The following ACSM1 variants were observed in gnomAD, a reference collection of about 807,000 sequenced individuals.
The protein encoded by ACSM1 is acyl-CoA synthetase medium chain family member 1.
Under a neutral mutation model 75.8 loss-of-function variants are expected in ACSM1, and 79 were observed. The observed-to-expected ratio is 1.04, with a 90% confidence interval of 0.87 to 1.26. The LOEUF is 1.26. Among genes scored for constraint, ACSM1 ranks in the 50% most tolerant of loss-of-function variants. ACSM1 has a pLI of 0.00. For missense variants in ACSM1, 676 were observed against 720.1 expected, an observed-to-expected ratio of 0.94 and a Z score of 0.70; for synonymous variants, 279 against 265.8, an observed-to-expected ratio of 1.05 and a Z score of -0.48.
intron 4 of ACSM1, among the ~76,000 whole-genome samples, chr16:20,677,949 C>G (rs1197599310): frequency 6.6e-6 from 1 of 151,264 alleles, no homozygotes; most frequent in African/African-American, 2.4e-5. Context: ...GCTGTATAGG[C>G]CTTAAAAGAT....
chr16:20,687,961 T>C (rs2152328665), intron 2 of ACSM1, among the ~76,000 whole-genome samples: 1 of 152,018 alleles, frequency 6.6e-6, no homozygotes, highest in East Asian at 1.9e-4. Context: ...TGCATGCACC[T>C]GTAATCCCAG....
intron 10 of ACSM1, among the ~76,000 whole-genome samples, chr16:20,635,578 CTTT>C (rs879711009): frequency 6.9e-6 from 1 of 145,814 alleles, no homozygotes; most frequent in Non-Finnish European, 1.5e-5. Context: ...TTTAATTTTT[CTTT>C]TTCTTTCTTT....
rs1315654780 is a variant in ACSM1 at position 20,685,673 on chromosome 16, AGCTGG to A, written c.193-275_193-271del. Among the ~76,000 whole-genome samples, 22 of 152,066 alleles carry A rather than the reference AGCTGG, an allele frequency of 1.4e-4. No individual in the cohort carries two copies. The East Asian group carries it at 2.1e-3, about 15-fold the overall frequency. On this transcript the variant is annotated intron_variant, in intron 2 of 13. Transcript: ENST00000520010. ...TGTCTCTACTAAAAATTTAAAAATTAGCTGGGCATGGTGGTGCATGCCTGTAATCT... is the reference window on the plus strand; with the variant it reads ...TGTCTCTACTAAAAATTTAAAAATTAGCATGGTGGTGCATGCCTGTAATCT...
intron 11 of ACSM1, 138 bp from the exon 12 acceptor site, chr16:20,625,660 G>T (rs2016880654): frequency 4.4e-6 from 3 of 681,470 alleles, no homozygotes; most frequent in Non-Finnish European, 7.5e-6. Flanking sequence ...ACTTGTCTGT[G>T]TCATGGGCCC....
intron 4 of ACSM1, among the ~76,000 whole-genome samples, chr16:20,676,949 T>A (rs571300555): frequency 1.3e-5 from 2 of 152,066 alleles, no homozygotes; most frequent in Admixed American, 6.6e-5. Context: ...AGGCAGGACA[T>A]AAAGTGTCAG....
chr16:20,635,466 A>G (rs1045687889), intron 10 of ACSM1, among the ~76,000 whole-genome samples: 2 of 152,224 alleles, frequency 1.3e-5, no homozygotes, highest in Admixed American at 1.3e-4. Context: ...TCCAAGTACT[A>G]CTATTTTAAA....
Position 20,627,891 on chromosome 16 carries a change from T to C in ACSM1, c.1300-575A>G, listed in dbSNP as rs866632206. Among the ~76,000 whole-genome samples the C allele has an allele frequency of 1.0e-3, 77 of 76,314 alleles. 2 individuals carry two copies. Among genetic ancestry groups the C allele is most frequent in the South Asian group, 7.3e-3 (15 of 2,048 alleles). The allele number at this position is 76,314 out of a possible 152,430, so 50.1% of individuals were successfully genotyped here. ...ATACATATATATATATATATATATA[T>C]ATATATATATATATATATATATATA... On this transcript the variant is annotated intron_variant, in intron 10 of 13. Coordinates refer to ENST00000520010, the MANE Select transcript of ACSM1 (RefSeq NM_001318890.3).
chr16:20,672,642 A>G (rs1317966892), intron 4 of ACSM1, among the ~76,000 whole-genome samples: 2 of 130,922 alleles, frequency 1.5e-5, no homozygotes, highest in Non-Finnish European at 3.1e-5. Flanking sequence ...TAATTTATAT[A>G]TAAGTATATA....
At chr16:20,665,694 C>T (rs918028091) in intron 6 of ACSM1, among the ~76,000 whole-genome samples, 3 of 152,040 alleles carry the variant, frequency 2.0e-5, no homozygotes, top group African/African-American at 7.2e-5. Context: ...AAAGAAAACT[C>T]CAGGCCAATA....
intron 4 of ACSM1, among the ~76,000 whole-genome samples, chr16:20,675,303 G>A (rs756951495): frequency 6.6e-6 from 1 of 152,182 alleles, no homozygotes; most frequent in Non-Finnish European, 1.5e-5. Flanking sequence ...AGAGGCCAAT[G>A]CGGGGAGTAA....
At chr16:20,688,691 G>A (rs2079598156) in intron 2 of ACSM1, among the ~76,000 whole-genome samples, 3 of 151,846 alleles carry the variant, frequency 2.0e-5, no homozygotes, top group Non-Finnish European at 2.9e-5. Context: ...CAAAAGTAAA[G>A]GGGAAATTAG....
chr16:20,676,234 G>C (rs976591722), intron 4 of ACSM1: 15 of 152,194 alleles, frequency 9.9e-5, no homozygotes, highest in Admixed American at 7.9e-4. Flanking sequence ...CTCTTAAGAG[G>C]ACAAGAGGAC....
chr16:20,624,189 G>A lies in ACSM1; in HGVS notation c.1554C>T (p.Thr518=). The change falls in exon 13 of 14, where the codon ACC becomes ACT. Residue 518 remains threonine, a synonymous_variant. Coordinates refer to ENST00000520010, the MANE Select transcript of ACSM1 (RefSeq NM_001318890.3). ...CCTTGTCATGGGACAGGAACTGTGG[G>A]GTCAGGACAATAAAGGCCTTCACCA... is the stretch of plus-strand genomic sequence containing the variant. The part of the protein sequence containing the change: ...GEVVKAFIVL[T]PQFLSHDKDQ... 1 of 1,612,292 alleles carries A rather than the reference G, an allele frequency of 6.2e-7. No individual in the cohort carries two copies. The highest frequency in any genetic ancestry group is 8.5e-7 in the Non-Finnish European group (1 of 1,178,832).
At chr16:20,696,198 A>T (rs1157258822) in intron 1 of ACSM1, among the ~76,000 whole-genome samples, 1 of 152,370 alleles carries the variant, frequency 6.6e-6, no homozygotes, top group South Asian at 2.1e-4. Context: ...CATAATAACA[A>T]AATCACCTAA....
chr16:20,686,373 T>C (rs28407561), intron 2 of ACSM1, among the ~76,000 whole-genome samples: 7,608 of 151,996 alleles, frequency 0.05, 636 homozygotes, highest in African/African-American at 0.17. Context: ...CAGCCAAGGA[T>C]CTGCAGAAAA....
At chr16:20,631,534 A>C (rs983137903) in intron 10 of ACSM1, among the ~76,000 whole-genome samples, 2 of 152,232 alleles carry the variant, frequency 1.3e-5, no homozygotes, top group African/African-American at 4.8e-5. Context: ...ACCCAAATAA[A>C]AAGAAGTCAT....
intron 8 of ACSM1, among the ~76,000 whole-genome samples, chr16:20,638,473 T>G (rs866144236): frequency 2.0e-5 from 3 of 152,238 alleles, no homozygotes; most frequent in Admixed American, 2.0e-4. Flanking sequence ...GAGACTGCCC[T>G]ATTTATCCCT....
At chr16:20,673,341 T>G (rs2020074668) in intron 4 of ACSM1, among the ~76,000 whole-genome samples, 1 of 152,088 alleles carries the variant, frequency 6.6e-6, no homozygotes, top group Non-Finnish European at 1.5e-5. Context: ...TCTGCTGGTC[T>G]TGCTGTGAAA....
At chr16:20,675,209 G>C (rs1019267192) in intron 4 of ACSM1, among the ~76,000 whole-genome samples, 3 of 152,136 alleles carry the variant, frequency 2.0e-5, no homozygotes, top group African/African-American at 7.2e-5. Flanking sequence ...GCTCACCCGG[G>C]ACACGAGAGA....
Sources: gnomAD v4.1 joint callset for allele counts (sites outside exome capture counted in the v4.1 genomes callset) on GRCh38, gnomAD v4.1.1 for gene constraint, MANE v1.5 for transcripts, NCBI Gene and HGNC (gene_info 2026-07-23, HGNC 2026-07-21) for gene names.